The following TSC22D1 variants were observed in gnomAD, a reference collection of about 807,000 sequenced individuals.
TSC22D1 encodes TSC22 domain family protein 1.
TSC22D1 carries 9 observed loss-of-function variants against 74.2 expected under a neutral mutation model. That is an observed-to-expected ratio of 0.12 (90% CI 0.07 to 0.21). The LOEUF (loss-of-function observed/expected upper bound fraction) is 0.21. TSC22D1 is among the 10% of genes least tolerant of loss of function. The pLI is 1.00. For missense variants in TSC22D1, 1,427 were observed against 1,304.7 expected, an observed-to-expected ratio of 1.09 and a Z score of -1.44; for synonymous variants, 586 against 492.5, an observed-to-expected ratio of 1.19 and a Z score of -2.51.
upstream of TSC22D1, chr13:44,576,395 G>C (rs926351617): frequency 7.3e-6 from 2 of 273,512 alleles, no homozygotes; most frequent in Non-Finnish European, 1.4e-5. Context: ...GGAGGGAGGG[G>C]GAGAGCGCAG....
chr13:44,458,361 C>A (rs1876792274), intron 1 of TSC22D1, among the ~76,000 whole-genome samples: 1 of 152,188 alleles, frequency 6.6e-6, no homozygotes. Context: ...GAGCCTAATT[C>A]AAATTTCCAA....
chr13:44,528,270 TCAC>T lies in TSC22D1; in HGVS notation c.2912+44890_2912+44892del, dbSNP rs553126614. Among the ~76,000 whole-genome samples, 170 of 152,028 alleles carry T rather than the reference TCAC, an allele frequency of 1.1e-3. 1 individual carries two copies. The highest frequency in any genetic ancestry group is 8.4e-4 in the Non-Finnish European group (57 of 67,904). ...ATTCTTCTCAAGCTCACATAAATGTTCACCAAAACAGACCACATTCTGGGCAAT... is the reference window on the plus strand; with the variant it reads ...ATTCTTCTCAAGCTCACATAAATGTTCAAAACAGACCACATTCTGGGCAAT... On this transcript the variant is annotated intron_variant, in intron 1 of 2. Coordinates refer to ENST00000458659, the MANE Select transcript of TSC22D1 (RefSeq NM_183422.4).
intron 1 of TSC22D1, among the ~76,000 whole-genome samples, chr13:44,445,395 G>A (rs890949039): frequency 1.3e-5 from 2 of 150,080 alleles, no homozygotes; most frequent in African/African-American, 4.9e-5. Context: ...ATGGATCATA[G>A]GACTAAATGT....
intron 1 of TSC22D1, among the ~76,000 whole-genome samples, chr13:44,442,994 C>A: frequency 7.4e-6 from 1 of 134,472 alleles, no homozygotes; most frequent in Non-Finnish European, 1.6e-5. Flanking sequence ...CAGTTTCAAG[C>A]AACCAAATAT....
At chr13:44,551,998 G>A (rs1467380763) in intron 1 of TSC22D1, among the ~76,000 whole-genome samples, 1 of 152,212 alleles carries the variant, frequency 6.6e-6, no homozygotes, top group East Asian at 1.9e-4. Flanking sequence ...GAACGACCAA[G>A]AACTTCACTA....
At chr13:44,524,935 G>A (rs998034519) in intron 1 of TSC22D1, among the ~76,000 whole-genome samples, 5 of 152,112 alleles carry the variant, frequency 3.3e-5, no homozygotes, top group Non-Finnish European at 7.4e-5. Context: ...AGGAAAAAAG[G>A]AAAAAGTAAC....
intron 1 of TSC22D1, among the ~76,000 whole-genome samples, chr13:44,440,587 C>CAAAA (rs67344848): frequency 2.1e-3 from 142 of 68,190 alleles, no homozygotes; most frequent in African/African-American, 4.7e-3. Flanking sequence ...GGCTCTGTCT[C>CAAAA]AAAAAAAAAA....
intron 1 of TSC22D1, among the ~76,000 whole-genome samples, chr13:44,507,469 CTT>C (rs576593235): frequency 3.4e-5 from 5 of 145,006 alleles, no homozygotes; most frequent in South Asian, 4.4e-4. Flanking sequence ...TCTTACTTTA[CTT>C]TTTTTTTTTA....
intron 1 of TSC22D1, among the ~76,000 whole-genome samples, chr13:44,553,542 G>A (rs533849417): frequency 6.6e-6 from 1 of 152,198 alleles, no homozygotes; most frequent in Admixed American, 6.5e-5. Flanking sequence ...GAGCATGGAA[G>A]AGATGGTCTT....
intron 1 of TSC22D1, among the ~76,000 whole-genome samples, chr13:44,492,733 T>C (rs1312594414): frequency 1.3e-5 from 2 of 152,170 alleles, no homozygotes; most frequent in South Asian, 4.1e-4. Flanking sequence ...CGTTTCAAAG[T>C]TACTATGATG....
rs373885576 is a variant in TSC22D1, at chr13:44,495,278, A to G, written c.2913-59183T>C. On this transcript the variant is annotated intron_variant, in intron 1 of 2. Transcript: ENST00000458659. ...GTAAGCCAGAAAGCAGCAGGGTGAC[A>G]TATTTAAAATGCTAAGGAAAAAAAA... Among the ~76,000 whole-genome samples, 163 of 150,832 alleles carry G rather than the reference A, an allele frequency of 1.1e-3. 1 individual carries two copies. The highest frequency in any genetic ancestry group is 3.8e-3 in the African/African-American group (158 of 41,150).
intron 1 of TSC22D1, among the ~76,000 whole-genome samples, chr13:44,512,370 C>T (rs1011971367): frequency 9.9e-5 from 15 of 151,842 alleles, no homozygotes; most frequent in Admixed American, 1.3e-4. Flanking sequence ...GGGGTTTCAC[C>T]GTGTTAGCCA....
chr13:44,567,025 A>G (rs896689695), intron 1 of TSC22D1, among the ~76,000 whole-genome samples: 1 of 152,110 alleles, frequency 6.6e-6, no homozygotes, highest in Non-Finnish European at 1.5e-5. Flanking sequence ...AATCCCAAGA[A>G]AAAAAAAGGA....
chr13:44,535,420 TG>T (rs1881082482), intron 1 of TSC22D1, among the ~76,000 whole-genome samples: 1 of 151,944 alleles, frequency 6.6e-6, no homozygotes, highest in Admixed American at 6.6e-5. Context: ...TAAATTACTA[TG>T]AAATATTTTT....
At chr13:44,516,412 A>G in intron 1 of TSC22D1, 1 of 404,524 alleles carries the variant, frequency 2.5e-6, no homozygotes, top group Admixed American at 2.7e-5. Flanking sequence ...GTTCCTGAAG[A>G]CTTGAAATCA....
At chr13:44,468,799 CA>C (rs1280407427) in intron 1 of TSC22D1, among the ~76,000 whole-genome samples, 1 of 149,778 alleles carries the variant, frequency 6.7e-6, no homozygotes, top group African/African-American at 2.4e-5. Context: ...GCTAAATGCA[CA>C]GAAATAGTTT....
intron 1 of TSC22D1, among the ~76,000 whole-genome samples, chr13:44,462,938 T>C (rs1308517055): frequency 6.6e-6 from 1 of 152,148 alleles, no homozygotes. Context: ...TAACATATAA[T>C]TACAAACTAT....
intron 1 of TSC22D1, among the ~76,000 whole-genome samples, chr13:44,453,400 C>A (rs1346964713): frequency 6.6e-6 from 1 of 152,168 alleles, no homozygotes; most frequent in Non-Finnish European, 1.5e-5. Flanking sequence ...ACAAGGAACA[C>A]CCAAAATTTT....
chr13:44,437,288 C>T (rs953682977), intron 1 of TSC22D1: 19 of 983,232 alleles, frequency 1.9e-5, no homozygotes, highest in Non-Finnish European at 2.3e-5. Context: ...CCCAGTCCCA[C>T]CACTGTAAGA....
Sources: gnomAD v4.1 joint callset for allele counts (sites outside exome capture counted in the v4.1 genomes callset) on GRCh38, gnomAD v4.1.1 for gene constraint, MANE v1.5 for transcripts, NCBI Gene and HGNC (gene_info 2026-07-23, HGNC 2026-07-21) for gene names.